Variants in DNAH12 observed in about 807,000 individuals in gnomAD.
The protein encoded by DNAH12 is dynein axonemal heavy chain 12, also known as axonemal beta dynein heavy chain 12.
A neutral mutation model predicts 371.5 loss-of-function variants in DNAH12; 285 were observed. The observed-to-expected ratio is 0.77, with a 90% CI of 0.70 to 0.85. DNAH12 has a LOEUF of 0.85. Ranked by LOEUF, DNAH12 falls within the 40% of genes least tolerant of loss-of-function variation. The probability of loss-of-function intolerance (pLI) is 0.00; values close to 1 mark genes in which losing one functional copy is unlikely to be tolerated. For synonymous variants in DNAH12, 1,200 were observed against 1,213.0 expected (o/e 0.99, Z 0.22); for missense variants, 3,611 against 3,689.4 (o/e 0.98, Z 0.55).
chr3:57,551,686 A>T, the DNAH12 span, among the ~76,000 whole-genome samples: 1 of 152,166 alleles, frequency 6.6e-6, no homozygotes, highest in African/African-American at 2.4e-5. Context: ...GAATTGTTTT[A>T]TATCAGTATT....
chr3:57,366,616 A>T (rs2063057637), intron 57 of DNAH12, 113 bp downstream of exon 57: 1 of 152,234 alleles, frequency 6.6e-6, no homozygotes, highest in Non-Finnish European at 1.5e-5. Context: ...GATTATTTAT[A>T]GTAACAAAGT....
intron 12 of DNAH12, among the ~76,000 whole-genome samples, chr3:57,487,334 G>A (rs1385580677): frequency 1.8e-5 from 2 of 112,594 alleles, no homozygotes; most frequent in African/African-American, 7.1e-5. Context: ...AGGGAGGGAG[G>A]GAGGGAGGGA....
chr3:57,322,199 A>T, intron 65 of DNAH12, 144 bp downstream of exon 65: 1 of 856,810 alleles, frequency 1.2e-6, no homozygotes, highest in South Asian at 2.4e-5. Context: ...CAAGATAAGT[A>T]CAATTTTTGT....
In DNAH12 at chr3:57,452,898, C is replaced by T; in HGVS notation, c.3731G>A (p.Gly1244Asp). 1 of 1,551,110 alleles carries T rather than the reference C, an allele frequency of 6.4e-7. No individual in the cohort carries two copies. Among genetic ancestry groups the T allele is most frequent in the Non-Finnish European group, 8.7e-7 (1 of 1,146,866 alleles). ...CNVKYAYEYL[G>D]NSPRLVITPL... ...CGTAATGACAAGTCGAGGTGAGTTA[C>T]CAAGATATTCATAAGCATATTTTAC... The change falls in exon 25 of 74, where the codon GGT (glycine) becomes GAT (aspartate). Residue 1244 changes from glycine (G) to aspartate (D), a missense_variant. Physicochemically the swap from Gly to Asp is moderately conservative, Grantham distance 94 (BLOSUM62 -1). This residue lies in a region of DNAH12 where 2,266 missense variants were observed against 2,236.9 expected (regional missense o/e 1.01). Coordinates refer to ENST00000495027, the MANE Select transcript of DNAH12 (RefSeq NM_001366028.2).
chr3:57,422,139 C>T (rs1433137149), intron 35 of DNAH12, among the ~76,000 whole-genome samples: 5 of 151,874 alleles, frequency 3.3e-5, no homozygotes, highest in Non-Finnish European at 7.4e-5. Flanking sequence ...GTCTTAAACT[C>T]CTAGACTCAG....
At chr3:57,336,719 T>C (rs1337094899) in intron 60 of DNAH12, among the ~76,000 whole-genome samples, 1 of 152,136 alleles carries the variant, frequency 6.6e-6, no homozygotes, top group Non-Finnish European at 1.5e-5. Flanking sequence ...AAAGATAATG[T>C]CAGGAATTTG....
chr3:57,436,361 C>CT (rs1443204466), intron 30 of DNAH12, among the ~76,000 whole-genome samples: 1 of 152,112 alleles, frequency 6.6e-6, no homozygotes, highest in Non-Finnish European at 1.5e-5. Context: ...AGTTTAAACT[C>CT]TATTAGTTTC....
At chr3:57,427,194 G>A (rs1168036768) in intron 34 of DNAH12, among the ~76,000 whole-genome samples, 2 of 148,054 alleles carry the variant, frequency 1.4e-5, no homozygotes, top group Non-Finnish European at 3.0e-5. Flanking sequence ...GGAAATGGTT[G>A]AACAATGGTC....
chr3:57,472,560 C>A lies in DNAH12; in HGVS notation c.1762G>T (p.Asp588Tyr). ...MWPRKINPIFDENDELIENAK... is the reference protein window; with the variant it reads ...MWPRKINPIFYENDELIENAK... ...AATATATTTACCTCATCATTTTCATCAAAGATGGGATTAATTTTCCTAGGC... is the reference window on the plus strand; with the variant it reads ...AATATATTTACCTCATCATTTTCATAAAAGATGGGATTAATTTTCCTAGGC... Residue 588 changes from aspartate (D) to tyrosine (Y), a missense_variant, in exon 14 of 74, where the codon GAT becomes TAT. By Grantham distance (160) the Asp-to-Tyr change is radical (BLOSUM62 -3). Around this residue, in one of 3 missense-constraint regions of DNAH12, gnomAD observed 1,314 missense variants for 1,398.7 expected, o/e 0.94. Transcript: ENST00000495027. 1 of 1,548,796 alleles carries A rather than the reference C, an allele frequency of 6.5e-7. No homozygotes were observed. The highest frequency in any genetic ancestry group is 1.2e-5 in the South Asian group (1 of 82,936).
chr3:57,531,111 C>G (rs1965847), intron 2 of DNAH12: 134,130 of 152,272 alleles, frequency 0.88, 59,628 homozygotes, highest in African/African-American at 0.96. Flanking sequence ...AATATTACCA[C>G]TGAGTTTTGT....
chr3:57,451,174 G>T (rs556257424), intron 25 of DNAH12, among the ~76,000 whole-genome samples: 1 of 152,132 alleles, frequency 6.6e-6, no homozygotes, highest in African/African-American at 2.4e-5. Flanking sequence ...CTTTGCACAA[G>T]AATTGCCACT....
intron 58 of DNAH12, among the ~76,000 whole-genome samples, chr3:57,358,361 G>C (rs917929465): frequency 3.3e-5 from 5 of 152,320 alleles, no homozygotes; most frequent in African/African-American, 1.2e-4. Context: ...TCTTCAGATA[G>C]AGTAGAGGGA....
At chr3:57,542,966 A>T in intron 1 of DNAH12, 63 bp from the exon 2 acceptor site, 1 of 1,219,708 alleles carries the variant, frequency 8.2e-7, no homozygotes, top group Non-Finnish European at 1.1e-6. Flanking sequence ...TTCATAACAT[A>T]TCTAACATAT....
intron 57 of DNAH12, among the ~76,000 whole-genome samples, chr3:57,366,418 T>C (rs1311516621): frequency 6.6e-6 from 1 of 152,196 alleles, no homozygotes; most frequent in African/African-American, 2.4e-5. Flanking sequence ...GCTTTCATTA[T>C]ACTCTGTGGA....
rs571392881 is a variant in DNAH12, at chr3:57,409,397, G to A, written c.6021-862C>T. Reference sequence around the variant, plus strand: ...ATAGAAGACCAGCTAAGTAAATTACGGTGACATCCACATAATATTAAAGCC... The same window carrying A: ...ATAGAAGACCAGCTAAGTAAATTACAGTGACATCCACATAATATTAAAGCC... On this transcript the variant is annotated intron_variant, in intron 39 of 73. Transcript: ENST00000495027. Among the ~76,000 whole-genome samples, 15 of 152,068 alleles carry A rather than the reference G, an allele frequency of 9.9e-5. 1 individual carries two copies. In the South Asian group the frequency reaches 2.1e-3, roughly 21 times the overall value.
intron 13 of DNAH12, among the ~76,000 whole-genome samples, chr3:57,477,732 G>A (rs915811672): frequency 2.0e-5 from 3 of 152,146 alleles, no homozygotes; most frequent in African/African-American, 7.2e-5. Context: ...AAAACTTCCA[G>A]AGGAACGATC....
chr3:57,408,267 A>G lies in DNAH12; in HGVS notation c.6276+13T>C. The G allele has an allele frequency of 4.6e-6, 7 of 1,523,632 alleles. No homozygotes were observed. Among genetic ancestry groups the G allele is most frequent in the South Asian group, 1.3e-5 (1 of 78,614 alleles). 94.4% of individuals were successfully genotyped at this position (1,523,632 alleles called of 1,614,324 possible). A position where few individuals can be genotyped will look rare whatever the true frequency, so the allele number is the denominator to read the frequency against. ...TGTAATACTAAAACATTTACATTGC[A>G]TTATTGACTGACCTCCATAGTCCCA... On this transcript the variant is annotated intron_variant, in intron 40 of 73. Coordinates refer to ENST00000495027, the MANE Select transcript of DNAH12 (RefSeq NM_001366028.2).
chr3:57,433,483 T>G lies in DNAH12; in HGVS notation c.4864A>C (p.Thr1622Pro). 6.4e-7 allele frequency: 1 copy of G among 1,551,408 alleles called. No homozygotes were observed. The highest frequency in any genetic ancestry group is 8.7e-7 in the Non-Finnish European group (1 of 1,146,878). ...TCTGATAAGGCAAATTCTCTAAAAGTGTTAGCCACAATACCATCAGTCCAC... is the reference window on the plus strand; with the variant it reads ...TCTGATAAGGCAAATTCTCTAAAAGGGTTAGCCACAATACCATCAGTCCAC... ...HEWTDGIVAN[T>P]FREFALSETP... The change falls in exon 32 of 74, where the codon ACT (threonine) becomes CCT (proline). Residue 1622 changes from threonine to proline, a missense_variant. Coordinates refer to ENST00000495027, the MANE Select transcript of DNAH12 (RefSeq NM_001366028.2).
At chr3:57,547,207 C>T, upstream of DNAH12, among the ~76,000 whole-genome samples, 1 of 88,528 alleles carries the variant, frequency 1.1e-5, no homozygotes, top group South Asian at 3.8e-4. Context: ...TACACACACA[C>T]ATATATAGAT....
Sources: gnomAD v4.1 joint callset for allele counts (sites outside exome capture counted in the v4.1 genomes callset) on GRCh38, gnomAD v4.1.1 for gene constraint, gnomAD v4.1.1 regional missense constraint, MANE v1.5 for transcripts, NCBI Gene and HGNC (gene_info 2026-07-23, HGNC 2026-07-21) for gene names.